The following DIAPH2 variants were observed in gnomAD, a reference collection of about 807,000 sequenced individuals.
DIAPH2 encodes the protein protein diaphanous homolog 2.
Under a neutral mutation model 92.7 loss-of-function variants are expected in DIAPH2, and 35 were observed. That is an observed-to-expected ratio of 0.38 (90% CI 0.29 to 0.50). DIAPH2 has a LOEUF of 0.50. Ranked by LOEUF, DIAPH2 falls within the 20% of genes least tolerant of loss-of-function variation. The pLI, the probability that DIAPH2 is intolerant of heterozygous loss-of-function variation, is 0.94. For missense variants in DIAPH2, 701 were observed against 819.5 expected, an observed-to-expected ratio of 0.86 and a Z score of 1.77; for synonymous variants, 301 against 280.4, an observed-to-expected ratio of 1.07 and a Z score of -0.73.
At chrX:97,337,460 A>G (rs1168193756) in intron 23 of DIAPH2, among the ~76,000 whole-genome samples, 1 of 110,964 alleles carries the variant, frequency 9.0e-6, no homozygotes, top group African/African-American at 3.3e-5. Context: ...TGATGGTTTT[A>G]TCACTGTCTG....
intron 24 of DIAPH2, among the ~76,000 whole-genome samples, chrX:97,378,561 CTT>C (rs2069523879): frequency 9.0e-6 from 1 of 111,470 alleles, no homozygotes. Flanking sequence ...AAGAAAGAAA[CTT>C]TGCCAGGCAT....
At chrX:97,039,891 A>C (rs1343308785) in intron 17 of DIAPH2, among the ~76,000 whole-genome samples, 2 of 111,756 alleles carry the variant, frequency 1.8e-5, no homozygotes, top group Admixed American at 9.5e-5. Flanking sequence ...CACCATGTAG[A>C]TGAGTCAAAT....
chrX:96,962,375 A>G (rs2065861576), intron 16 of DIAPH2, among the ~76,000 whole-genome samples: 1 of 69,238 alleles, frequency 1.4e-5, no homozygotes, highest in Non-Finnish European at 2.6e-5. Context: ...ACACATATAT[A>G]TATACACATA....
intron 26 of DIAPH2, among the ~76,000 whole-genome samples, chrX:97,465,273 C>CCACA (rs765899834): frequency 7.5e-5 from 8 of 106,844 alleles, no homozygotes; most frequent in Non-Finnish European, 1.2e-4. Context: ...TAGAATTCAC[C>CCACA]CACACACACA....
intron 25 of DIAPH2, among the ~76,000 whole-genome samples, chrX:97,407,759 G>T (rs1029122886): frequency 2.7e-5 from 3 of 112,209 alleles, no homozygotes; most frequent in Non-Finnish European, 5.6e-5. Context: ...TTTGCAGACA[G>T]TAGTGACACA....
At chrX:96,698,403 C>G (rs1211730560) in intron 1 of DIAPH2, among the ~76,000 whole-genome samples, 5 of 111,773 alleles carry the variant, frequency 4.5e-5, no homozygotes, top group Non-Finnish European at 9.4e-5. Context: ...TGTGCTTTGC[C>G]TAAAGATTGG....
chrX:97,386,941 G>A (rs1211038776), intron 25 of DIAPH2, among the ~76,000 whole-genome samples: 3 of 111,301 alleles, frequency 2.7e-5, no homozygotes, highest in African/African-American at 6.5e-5. Flanking sequence ...TTTCTTTTCT[G>A]CTATGCCAAG....
At chrX:97,530,226 G>A (rs773629340) in intron 26 of DIAPH2, among the ~76,000 whole-genome samples, 1 of 111,804 alleles carries the variant, frequency 8.9e-6, no homozygotes, top group African/African-American at 3.2e-5. Context: ...CCAGGCATTT[G>A]CCAAATCCTT....
chrX:97,502,304 T>C (rs2070804205), intron 26 of DIAPH2, among the ~76,000 whole-genome samples: 1 of 112,257 alleles, frequency 8.9e-6, no homozygotes, highest in Non-Finnish European at 1.9e-5. Flanking sequence ...AGGCTTCATA[T>C]TGCATTTAAA....
At chrX:97,560,741 C>T (rs1218851964) in intron 26 of DIAPH2, among the ~76,000 whole-genome samples, 2 of 112,619 alleles carry the variant, frequency 1.8e-5, no homozygotes, top group Non-Finnish European at 3.8e-5. Context: ...GATCCGCCTG[C>T]CTCGGCCTCC....
rs192440006 is a variant in DIAPH2 at position 97,581,088 on chromosome X, C to G, written c.3242-18165C>G. 8.5e-3 allele frequency among the ~76,000 whole-genome samples: 891 copies of G among 104,992 alleles called. 9 individuals carry two copies. The highest frequency in any genetic ancestry group is 0.013 in the Non-Finnish European group (660 of 51,111). The allele number at this position is 104,992 out of a possible 115,157, so 91.2% of individuals were successfully genotyped here. ...TTTCTTTATTAGTCTTGCTAGAGGTCTGTCAATTTTGTTGATCCTTTCAAA... is the reference window on the plus strand; with the variant it reads ...TTTCTTTATTAGTCTTGCTAGAGGTGTGTCAATTTTGTTGATCCTTTCAAA... On this transcript the variant is annotated intron_variant, in intron 26 of 26. Transcript: ENST00000324765.
intron 22 of DIAPH2, among the ~76,000 whole-genome samples, chrX:97,162,930 T>G: frequency 9.0e-6 from 1 of 111,408 alleles, no homozygotes; most frequent in East Asian, 2.8e-4. Context: ...TTCTGATATT[T>G]ATTGTTTCTA....
chrX:96,805,527 A>G (rs951656936), intron 4 of DIAPH2, among the ~76,000 whole-genome samples: 24 of 111,427 alleles, frequency 2.2e-4, no homozygotes, highest in Admixed American at 7.6e-4. Flanking sequence ...AACTTGATAT[A>G]TTAACATTTT....
At chrX:97,459,765 T>G (rs2070442910) in intron 26 of DIAPH2, among the ~76,000 whole-genome samples, 1 of 111,591 alleles carries the variant, frequency 9.0e-6, no homozygotes, top group Non-Finnish European at 1.9e-5. Flanking sequence ...TAAGTGATGG[T>G]GTAGATATGA....
At chrX:97,218,585 A>C (rs968551004) in intron 22 of DIAPH2, among the ~76,000 whole-genome samples, 1 of 110,382 alleles carries the variant, frequency 9.1e-6, no homozygotes, top group Admixed American at 9.8e-5. Context: ...AAAATCAAAT[A>C]CTGCCTGCTA....
intron 26 of DIAPH2, among the ~76,000 whole-genome samples, chrX:97,598,277 G>A (rs1463292830): frequency 1.8e-5 from 2 of 111,831 alleles, no homozygotes; most frequent in Non-Finnish European, 3.8e-5. Flanking sequence ...GATTTGCTGT[G>A]TAACCTTCAT....
chrX:97,560,364 A>C (rs906390483), intron 26 of DIAPH2, among the ~76,000 whole-genome samples: 3 of 112,495 alleles, frequency 2.7e-5, no homozygotes, highest in Non-Finnish European at 5.6e-5. Context: ...GCAGTATACC[A>C]TGTATAAACC....
chrX:96,765,200 T>G (rs1489341960), intron 4 of DIAPH2, among the ~76,000 whole-genome samples: 3 of 46,412 alleles, frequency 6.5e-5, no homozygotes, highest in Non-Finnish European at 1.4e-4. Context: ...CATGTTTTTT[T>G]TTTTTTTTTT....
chrX:96,746,642 C>T, intron 3 of DIAPH2, among the ~76,000 whole-genome samples: 1 of 110,357 alleles, frequency 9.1e-6, no homozygotes, highest in Non-Finnish European at 1.9e-5. Flanking sequence ...TGGCCTTGAC[C>T]TTCTGGGATC....
Sources: gnomAD v4.1 joint callset for allele counts (sites outside exome capture counted in the v4.1 genomes callset) on GRCh38, gnomAD v4.1.1 for gene constraint, MANE v1.5 for transcripts, NCBI Gene and HGNC (gene_info 2026-07-23, HGNC 2026-07-21) for gene names.